Variants in DNAH9 observed in about 807,000 individuals in gnomAD.
DNAH9 encodes the protein DNAH9 variant protein.
In DNAH9, 345 loss-of-function variants were observed where a neutral mutation model predicts 471.6. The observed-to-expected ratio is 0.73, with a 90% CI of 0.67 to 0.80. The LOEUF (loss-of-function observed/expected upper bound fraction) is 0.80. Ranked by LOEUF, DNAH9 falls within the 30% of genes least tolerant of loss-of-function variation. The pLI is 0.00. For missense variants in DNAH9, 5,407 were observed against 5,609.2 expected (o/e 0.96, Z 1.15); for synonymous variants, 2,093 against 2,123.6 (o/e 0.99, Z 0.40).
intron 66 of DNAH9, among the ~76,000 whole-genome samples, chr17:11,940,196 ACTC>A (rs1396198717): frequency 6.6e-6 from 1 of 152,002 alleles, no homozygotes; most frequent in Admixed American, 6.6e-5. Flanking sequence ...CTTGGAACCC[ACTC>A]CTCCTATCTG....
chr17:11,822,770 A>G, intron 47 of DNAH9, 31 bp from the exon 48 acceptor site: 1 of 1,611,660 alleles, frequency 6.2e-7, no homozygotes, highest in South Asian at 1.1e-5. Flanking sequence ...AACACAAGAT[A>G]ATCTTTTCAT....
intron 48 of DNAH9, among the ~76,000 whole-genome samples, 182 bp downstream of exon 48, chr17:11,823,216 C>T (rs1970374647): frequency 6.6e-6 from 1 of 152,098 alleles, no homozygotes; most frequent in South Asian, 2.1e-4. Context: ...GGCTTTTTTT[C>T]TCTACATTGT....
chr17:11,800,753 G>A (rs901871732), intron 43 of DNAH9, among the ~76,000 whole-genome samples: 2 of 152,164 alleles, frequency 1.3e-5, no homozygotes, highest in Non-Finnish European at 2.9e-5. Flanking sequence ...TGTGGTCAAT[G>A]ATTAACCTCT....
intron 6 of DNAH9, among the ~76,000 whole-genome samples, chr17:11,627,493 A>G (rs1304152627): frequency 6.6e-6 from 1 of 152,248 alleles, no homozygotes; most frequent in Non-Finnish European, 1.5e-5. Context: ...ATTTCACAGC[A>G]CAAGTATGAC....
chr17:11,747,577 C>T lies in DNAH9; in HGVS notation c.6421C>T (p.Leu2141=). The stretch of plus-strand genomic sequence containing the variant: ...TCAGGTGGTCCAGCTGGAGGAGCTC[C>T]TGGCTGTGCGGCACTCTGTATTTGT... ...VLKVVQLEEL[L]AVRHSVFVVG... The change falls in exon 32 of 69, where the codon CTG becomes TTG. Residue 2141 remains leucine, a synonymous_variant. Transcript: ENST00000262442. 1 of 1,613,804 alleles carries T rather than the reference C, an allele frequency of 6.2e-7. No homozygotes were observed. The highest frequency in any genetic ancestry group is 2.2e-5 in the East Asian group (1 of 44,856).
At chr17:11,609,280 T>C (rs1005236428) in intron 2 of DNAH9, among the ~76,000 whole-genome samples, 1 of 152,228 alleles carries the variant, frequency 6.6e-6, no homozygotes, top group Admixed American at 6.5e-5. Context: ...ATTTCCTACA[T>C]ATACAATTTG....
intron 61 of DNAH9, among the ~76,000 whole-genome samples, chr17:11,915,742 C>T (rs575060221): frequency 6.6e-6 from 1 of 152,322 alleles, no homozygotes; most frequent in East Asian, 1.9e-4. Context: ...AATGCCTACT[C>T]ATCCTGCAAA....
chr17:11,781,152 C>A lies in DNAH9; in HGVS notation c.7696C>A (p.Gln2566Lys). 1 of 1,614,132 alleles carries A rather than the reference C, an allele frequency of 6.2e-7. No homozygotes were observed. Among genetic ancestry groups the A allele is most frequent in the Non-Finnish European group, 8.5e-7 (1 of 1,180,000 alleles). ...GGTGCAGCCCCACACCATCATCCGG[C>A]AGCATCTGGACTATGGCCACTGGTA... ...GTVQPHTIIR[Q>K]HLDYGHWYDR... The change falls in exon 39 of 69, where the codon CAG becomes AAG. Residue 2566 changes from glutamine to lysine, a missense_variant. Transcript: ENST00000262442.
At chr17:11,775,347 A>G (rs1968377283) in intron 38 of DNAH9, among the ~76,000 whole-genome samples, 1 of 152,200 alleles carries the variant, frequency 6.6e-6, no homozygotes, top group African/African-American at 2.4e-5. Context: ...TCTACATTGA[A>G]CAATAATTTC....
chr17:11,691,300 G>A (rs2074328975), intron 20 of DNAH9, among the ~76,000 whole-genome samples: 1 of 152,200 alleles, frequency 6.6e-6, no homozygotes, highest in African/African-American at 2.4e-5. Flanking sequence ...GAATAAGCCA[G>A]ATTTTATTCA....
intron 57 of DNAH9, among the ~76,000 whole-genome samples, chr17:11,890,933 C>A (rs1973031535): frequency 6.6e-6 from 1 of 152,164 alleles, no homozygotes; most frequent in South Asian, 2.1e-4. Context: ...GTGATCCTCT[C>A]AGCTCTACCT....
At chr17:11,621,674 G>C (rs1368453013) in intron 6 of DNAH9, among the ~76,000 whole-genome samples, 1 of 152,176 alleles carries the variant, frequency 6.6e-6, no homozygotes, top group Admixed American at 6.5e-5. Context: ...CGATTTCCCT[G>C]TAAGAGGCTG....
At chr17:11,704,904 C>A (rs2074672880) in intron 25 of DNAH9, 121 bp from the exon 26 acceptor site, 1 of 798,666 alleles carries the variant, frequency 1.3e-6, no homozygotes, top group African/African-American at 1.7e-5. Context: ...GTGGTGGCCA[C>A]AGCATGCTGC....
At chr17:11,878,237 ATTCTTAG>A (rs60202848) in intron 53 of DNAH9, among the ~76,000 whole-genome samples, 66,874 of 151,362 alleles carry the variant, frequency 0.44, 16,730 homozygotes, top group East Asian at 0.59. Flanking sequence ...TGTTCAATTA[ATTCTTAG>A]TTCATGTCCA....
chr17:11,669,893 T>A, intron 17 of DNAH9, 99 bp downstream of exon 17: 1 of 1,028,606 alleles, frequency 9.7e-7, no homozygotes, highest in Non-Finnish European at 1.4e-6. Context: ...GTATGTTGGT[T>A]AAATTAAAGA....
At chr17:11,805,523 C>CCT (rs1969634975) in intron 43 of DNAH9, among the ~76,000 whole-genome samples, 1 of 52,070 alleles carries the variant, frequency 1.9e-5, no homozygotes, top group Admixed American at 3.1e-4. Flanking sequence ...TACCCGAGTT[C>CCT]TTTTTTTTTT....
chr17:11,601,413 C>T (rs548893503), intron 1 of DNAH9, among the ~76,000 whole-genome samples: 20 of 152,132 alleles, frequency 1.3e-4, no homozygotes, highest in African/African-American at 4.8e-4. Context: ...AACAGTAATC[C>T]ACAAGAAGGA....
chr17:11,842,634 A>G (rs908184661), intron 49 of DNAH9, among the ~76,000 whole-genome samples: 28 of 152,208 alleles, frequency 1.8e-4, no homozygotes, highest in African/African-American at 6.3e-4. Context: ...CAAGAGTCCA[A>G]AGCCTGAAGA....
intron 43 of DNAH9, among the ~76,000 whole-genome samples, chr17:11,798,369 G>C (rs1196122429): frequency 6.8e-6 from 1 of 147,118 alleles, no homozygotes; most frequent in Non-Finnish European, 1.5e-5. Context: ...GGAGGCCCAG[G>C]TTGCAGTGGG....
Sources: gnomAD v4.1 joint callset for allele counts (sites outside exome capture counted in the v4.1 genomes callset) on GRCh38, gnomAD v4.1.1 for gene constraint, MANE v1.5 for transcripts, NCBI Gene and HGNC (gene_info 2026-07-23, HGNC 2026-07-21) for gene names.